INTS10: variants seen among roughly 807,000 people sequenced by gnomAD.
INTS10 encodes the protein chromosome 8 open reading frame 35.
A neutral mutation model predicts 94.4 loss-of-function variants in INTS10; 44 were observed. The ratio of observed to expected loss-of-function variants is 0.47; its 90% CI spans 0.37 to 0.60. The LOEUF (loss-of-function observed/expected upper bound fraction) is 0.60, where lower values mean the gene tolerates loss of function less well. Among genes scored for constraint, INTS10 ranks in the 20% least tolerant of loss-of-function variants. The pLI, the probability that INTS10 is intolerant of heterozygous loss-of-function variation, is 0.00. For missense variants in INTS10, 797 were observed against 868.7 expected (o/e 0.92, Z 1.04); for synonymous variants, 341 against 320.7 (o/e 1.06, Z -0.68).
At chr8:19,836,490 A>T (rs984291180) in intron 12 of INTS10, among the ~76,000 whole-genome samples, 3 of 152,150 alleles carry the variant, frequency 2.0e-5, no homozygotes, top group African/African-American at 7.2e-5. Context: ...ACCTAAACCC[A>T]TATATAGCCC....
At chr8:19,828,380 C>T (rs1288528496) in intron 9 of INTS10, among the ~76,000 whole-genome samples, 1 of 152,192 alleles carries the variant, frequency 6.6e-6, no homozygotes, top group African/African-American at 2.4e-5. Context: ...ATCACAGACT[C>T]ATGTGACGTC....
chr8:19,834,258 C>G (rs2067475385), intron 12 of INTS10, among the ~76,000 whole-genome samples: 1 of 152,104 alleles, frequency 6.6e-6, no homozygotes, highest in Non-Finnish European at 1.5e-5. Flanking sequence ...TCTCAGCCCT[C>G]TATATGTTGT....
chr8:19,837,844 G>A (rs749236454), intron 13 of INTS10, among the ~76,000 whole-genome samples: 1 of 150,956 alleles, frequency 6.6e-6, no homozygotes, highest in Non-Finnish European at 1.5e-5. Context: ...TTATAAAATT[G>A]ATAACCCCCT....
intron 12 of INTS10, 47 bp from the exon 13 acceptor site, chr8:19,837,005 G>C: frequency 8.1e-7 from 1 of 1,235,464 alleles, no homozygotes. Flanking sequence ...TTTGATTTCA[G>C]TTCAGAAAGC....
At chr8:19,826,702 G>C (rs2066822513) in intron 9 of INTS10, 143 bp downstream of exon 9, 1 of 779,042 alleles carries the variant, frequency 1.3e-6, no homozygotes. Context: ...CTAAGTCAGT[G>C]GTTCTCCACT....
intron 10 of INTS10, among the ~76,000 whole-genome samples, chr8:19,831,674 G>A (rs7835502): frequency 0.038 from 5,728 of 152,226 alleles, 373 homozygotes; most frequent in African/African-American, 0.13. Context: ...CTGGGTGACA[G>A]GGAGAATGTC....
At position 19,833,180 on chromosome 8, in the gene INTS10, A is replaced by G; in HGVS notation, c.1389A>G (p.Lys463=). The change falls in exon 12 of 17, where the codon AAA becomes AAG. Residue 463 remains lysine, a synonymous_variant. Coordinates refer to ENST00000397977, the MANE Select transcript of INTS10 (RefSeq NM_018142.4). ...TDMIIYQGQY[K]KAIASLHHLA... is the part of the protein sequence containing the mutation. ...TCTATCTTTCTTAGGGTCAATATAA[A>G]AAGGCGATAGCCAGCCTGCATCACT... 6.3e-7 allele frequency: 1 copy of G among 1,593,926 alleles called. No homozygotes were observed. Among genetic ancestry groups the G allele is most frequent in the Non-Finnish European group, 8.5e-7 (1 of 1,172,444 alleles).
intron 10 of INTS10, among the ~76,000 whole-genome samples, chr8:19,831,613 C>T (rs2067232356): frequency 6.6e-6 from 1 of 152,126 alleles, no homozygotes. Context: ...CTGCTTGAGG[C>T]CGGAAGGTTG....
chr8:19,842,891 G>A lies in INTS10; in HGVS notation c.1683G>A (p.Met561Ile). Residue 561 changes from methionine (M) to isoleucine (I), a missense_variant, in exon 14 of 17, where the codon ATG becomes ATA. Met to Ile is a conservative substitution (Grantham distance 10). Coordinates refer to ENST00000397977, the MANE Select transcript of INTS10 (RefSeq NM_018142.4). ...TGCCTTGTACCAGCAAGGCTATCATGCCATACTGCCTCCATTTAATGTTAG... is the reference window on the plus strand; with the variant it reads ...TGCCTTGTACCAGCAAGGCTATCATACCATACTGCCTCCATTTAATGTTAG... ...KLLPCTSKAI[M>I]PYCLHLMLAC... is the part of the protein sequence containing the mutation. 6.2e-7 allele frequency: 1 copy of A among 1,612,520 alleles called. No individual in the cohort carries two copies.
chr8:19,836,716 TAGTC>T (rs1241270386), intron 12 of INTS10, among the ~76,000 whole-genome samples: 1 of 152,266 alleles, frequency 6.6e-6, no homozygotes, highest in African/African-American at 2.4e-5. Flanking sequence ...TGCAGTGAGT[TAGTC>T]AGTATCTTTC....
chr8:19,849,120 C>A lies in INTS10; in HGVS notation c.1977-2529C>A. The A allele has an allele frequency of 1.0e-6, 1 of 977,000 alleles. No homozygotes were observed. The highest frequency in any genetic ancestry group is 1.4e-6 in the Non-Finnish European group (1 of 703,750). 60.5% of individuals were successfully genotyped at this position (977,000 alleles called of 1,614,324 possible). ...GTTGTTTTTGCAGTGCAGGGTGAGTCGGTGTGGGTGTTTGAATGCTGCTGT... is the reference window on the plus strand; with the variant it reads ...GTTGTTTTTGCAGTGCAGGGTGAGTAGGTGTGGGTGTTTGAATGCTGCTGT... On this transcript the variant is annotated intron_variant, in intron 16 of 16. Coordinates refer to ENST00000397977, the MANE Select transcript of INTS10 (RefSeq NM_018142.4). This position sits in a 1 kb window ranked among gnomAD's most constrained non-coding sequence, Gnocchi z 4.6.
intron 2 of INTS10, chr8:19,819,020 A>G (rs1466791236): frequency 6.6e-6 from 1 of 152,466 alleles, no homozygotes; most frequent in Non-Finnish European, 1.5e-5. Flanking sequence ...TGCGCATTTG[A>G]AAATTTGATA....
chr8:19,843,470 G>A lies in INTS10; in HGVS notation c.1719+543G>A, dbSNP rs1459983145. 6.6e-6 allele frequency among the ~76,000 whole-genome samples: 1 copy of A among 152,156 alleles called. No homozygotes were observed. Among genetic ancestry groups the A allele is most frequent in the Non-Finnish European group, 1.5e-5 (1 of 68,032 alleles). On this transcript the variant is annotated intron_variant, in intron 14 of 16. Transcript: ENST00000397977. The surrounding 1 kb of genome is among the most constrained non-coding windows in gnomAD (Gnocchi z 4.7). ...TGTTGGCCAGAGAGTAAAACATTGG[G>A]TCTCCACTTCAGTGCAGTAACTCCC...
At chr8:19,850,040 T>G (rs2068895786) in intron 16 of INTS10, among the ~76,000 whole-genome samples, 1 of 151,330 alleles carries the variant, frequency 6.6e-6, no homozygotes, top group South Asian at 2.1e-4. Flanking sequence ...CAAGAATTGC[T>G]TGAACCCAGG....
intron 15 of INTS10, 114 bp from the exon 16 acceptor site, chr8:19,845,589 AC>A (rs1286384612): frequency 7.0e-6 from 5 of 714,980 alleles, no homozygotes; most frequent in Non-Finnish European, 1.3e-5. Context: ...GAGAACTGGC[AC>A]CTTTTTTAGT....
chr8:19,828,388 G>A (rs530053160), intron 9 of INTS10, among the ~76,000 whole-genome samples: 3 of 152,264 alleles, frequency 2.0e-5, no homozygotes, highest in East Asian at 1.9e-4. Context: ...CTCATGTGAC[G>A]TCATAAATGG....
chr8:19,833,274 G>A lies in INTS10; in HGVS notation c.1483G>A (p.Ala495Thr). 6.2e-7 allele frequency: 1 copy of A among 1,613,122 alleles called. No homozygotes were observed. Among genetic ancestry groups the A allele is most frequent in the Non-Finnish European group, 8.5e-7 (1 of 1,179,530 alleles). The change falls in exon 12 of 17, where the codon GCG becomes ACG. Residue 495 changes from alanine to threonine, a missense_variant. Ala to Thr is a moderately conservative substitution (Grantham distance 58, BLOSUM62 0). Coordinates refer to ENST00000397977, the MANE Select transcript of INTS10 (RefSeq NM_018142.4). The stretch of plus-strand genomic sequence containing the variant: ...GCAGGGGACCCTGGAGCATCAGAGG[G>A]CGCTCATCCAGCTGGCGACGTGCCA... ...TGQGTLEHQR[A>T]LIQLATCHFA... is the part of the protein sequence containing the mutation.
chr8:19,834,896 C>T (rs1385933481), intron 12 of INTS10, among the ~76,000 whole-genome samples: 8 of 152,094 alleles, frequency 5.3e-5, no homozygotes, highest in African/African-American at 1.9e-4. Context: ...GGTCCTGCTT[C>T]CCGGATCATA....
rs546827291 is a variant in INTS10 at position 19,826,632 on chromosome 8, G to T, written c.1140+73G>T. 257 of 1,384,276 alleles carry T rather than the reference G, an allele frequency of 1.9e-4. 1 individual carries two copies. In the African/African-American group the frequency reaches 3.5e-3, roughly 19 times the overall value. 85.7% of individuals were successfully genotyped at this position (1,384,276 alleles called of 1,614,324 possible). A position where few individuals can be genotyped will look rare whatever the true frequency, so the allele number is the denominator to read the frequency against. On this transcript the variant is annotated intron_variant, in intron 9 of 16. Coordinates refer to ENST00000397977, the MANE Select transcript of INTS10 (RefSeq NM_018142.4). ...CTAGAGATGAATCTTTGTAAAATATGGCTTTGGAGCTAAATCGATAAAGCC... is the reference window on the plus strand; with the variant it reads ...CTAGAGATGAATCTTTGTAAAATATTGCTTTGGAGCTAAATCGATAAAGCC...
Sources: gnomAD v4.1 joint callset for allele counts (sites outside exome capture counted in the v4.1 genomes callset) on GRCh38, gnomAD v4.1.1 for gene constraint, Gnocchi (gnomAD v3.1) non-coding constraint, MANE v1.5 for transcripts, NCBI Gene and HGNC (gene_info 2026-07-23, HGNC 2026-07-21) for gene names.